MCPH1: variants seen among roughly 807,000 people sequenced by gnomAD.
MCPH1 encodes the protein microcephalin.
Under a neutral mutation model 84.5 loss-of-function variants are expected in MCPH1, and 104 were observed. That is an observed-to-expected ratio of 1.23 (90% CI 1.05 to 1.45). MCPH1 has a LOEUF of 1.45. MCPH1 is among the 40% of genes most tolerant of loss of function. MCPH1 has a pLI of 0.00. For synonymous variants in MCPH1, 514 were observed against 366.8 expected (o/e 1.40, Z -4.58); for missense variants, 1,498 against 1,005.7 (o/e 1.49, Z -6.62).
At chr8:6,642,325 G>C (rs1272553903) in intron 13 of MCPH1, among the ~76,000 whole-genome samples, 4 of 152,134 alleles carry the variant, frequency 2.6e-5, no homozygotes, top group African/African-American at 9.7e-5. Flanking sequence ...GAAAGAGGGA[G>C]GGGTTGTTTC....
chr8:6,584,556 C>T (rs1827823975), intron 12 of MCPH1, among the ~76,000 whole-genome samples: 1 of 152,146 alleles, frequency 6.6e-6, no homozygotes, highest in African/African-American at 2.4e-5. Context: ...CAATTCATTC[C>T]AGACCTAACT....
intron 12 of MCPH1, among the ~76,000 whole-genome samples, chr8:6,570,615 A>G (rs1712292280): frequency 6.6e-6 from 1 of 152,200 alleles, no homozygotes; most frequent in African/African-American, 2.4e-5. Flanking sequence ...ACACAGAACC[A>G]CAGAAACCCT....
intron 9 of MCPH1, among the ~76,000 whole-genome samples, chr8:6,457,505 T>C (rs1805825688): frequency 6.6e-6 from 1 of 151,646 alleles, no homozygotes; most frequent in Non-Finnish European, 1.5e-5. Context: ...CTCAAGAGAC[T>C]GAGGTGGGAG....
chr8:6,527,899 A>T (rs367929830), intron 12 of MCPH1, among the ~76,000 whole-genome samples: 139 of 133,094 alleles, frequency 1.0e-3, no homozygotes, highest in Non-Finnish European at 1.3e-3. Flanking sequence ...CCACGTCTCT[A>T]TTTTTTTTTT....
intron 12 of MCPH1, among the ~76,000 whole-genome samples, chr8:6,608,038 C>T (rs1444569439): frequency 1.3e-5 from 2 of 152,160 alleles, no homozygotes; most frequent in Non-Finnish European, 2.9e-5. Context: ...TGAGGATTGG[C>T]AGGGGCTGAG....
intron 3 of MCPH1, among the ~76,000 whole-genome samples, chr8:6,422,107 C>G (rs1483380684): frequency 2.0e-5 from 3 of 152,184 alleles, no homozygotes; most frequent in African/African-American, 7.2e-5. Context: ...GTTCATTTGA[C>G]TGCTTTATCT....
intron 8 of MCPH1, among the ~76,000 whole-genome samples, chr8:6,450,381 T>C (rs554213750): frequency 4.5e-4 from 68 of 151,812 alleles, no homozygotes; most frequent in Non-Finnish European, 8.1e-4. Context: ...CAGACAACAT[T>C]CTATGGGCAA....
chr8:6,475,457 C>A (rs1808323639), intron 9 of MCPH1, among the ~76,000 whole-genome samples: 1 of 152,248 alleles, frequency 6.6e-6, no homozygotes, highest in South Asian at 2.1e-4. Context: ...TGCTCAGAGC[C>A]TGCCCTTGTG....
intron 12 of MCPH1, among the ~76,000 whole-genome samples, chr8:6,557,263 G>A (rs569700990): frequency 6.6e-6 from 1 of 152,254 alleles, no homozygotes; most frequent in Admixed American, 6.5e-5. Flanking sequence ...GGGTACTGGT[G>A]TTAGCATGCC....
Position 6,444,877 on chromosome 8 carries a change from G to A in MCPH1, c.1155G>A (p.Leu385=), listed in dbSNP as rs778416695. The A allele has an allele frequency of 6.2e-6, 10 of 1,614,196 alleles. No individual in the cohort carries two copies. Among genetic ancestry groups the A allele is most frequent in the East Asian group, 4.5e-5 (2 of 44,880 alleles). The change falls in exon 8 of 14, where the codon CTG becomes CTA. Residue 385 remains leucine, a synonymous_variant. Transcript: ENST00000344683. ...CCAGGAGATCTATCATGCCGAGGCT[G>A]CAGCTGTGCAGGTCGGAAGACAGGC... ...RSTRRSIMPR[L]QLCRSEDRLQ...
chr8:6,416,823 ATC>A (rs34685766), intron 3 of MCPH1, among the ~76,000 whole-genome samples: 100,201 of 151,758 alleles, frequency 0.66, 36,401 homozygotes, highest in Non-Finnish European at 0.79. Flanking sequence ...GTAAAACCCT[ATC>A]TCTATTAAAA....
At chr8:6,454,591 C>T (rs980339565) in intron 8 of MCPH1, among the ~76,000 whole-genome samples, 2 of 152,220 alleles carry the variant, frequency 1.3e-5, no homozygotes, top group African/African-American at 2.4e-5. Context: ...AAGGAAACCA[C>T]ATTTCACTTG....
chr8:6,421,885 C>G (rs748512729), intron 3 of MCPH1, among the ~76,000 whole-genome samples: 118 of 152,342 alleles, frequency 7.7e-4, no homozygotes, highest in Non-Finnish European at 1.5e-3. Context: ...AGGCTACACT[C>G]TTTCTGCCTT....
intron 12 of MCPH1, among the ~76,000 whole-genome samples, chr8:6,554,223 A>G (rs146795226): frequency 2.6e-5 from 4 of 151,524 alleles, no homozygotes; most frequent in Admixed American, 2.6e-4. Flanking sequence ...ACATGGGAGT[A>G]AGTGTGACAA....
At chr8:6,481,464 T>C (rs1430690507) in intron 11 of MCPH1, among the ~76,000 whole-genome samples, 1 of 152,252 alleles carries the variant, frequency 6.6e-6, no homozygotes, top group Non-Finnish European at 1.5e-5. Context: ...ATTATTACTT[T>C]CATCCTCAAC....
At chr8:6,558,778 A>G (rs1191317748) in intron 12 of MCPH1, among the ~76,000 whole-genome samples, 1 of 152,194 alleles carries the variant, frequency 6.6e-6, no homozygotes, top group East Asian at 1.9e-4. Context: ...AACCCCATTT[A>G]GTAAACAAAG....
At chr8:6,626,694 G>A (rs1037567290) in intron 13 of MCPH1, 20 of 985,036 alleles carry the variant, frequency 2.0e-5, no homozygotes, top group East Asian at 1.1e-4. Context: ...TATAAGTCAC[G>A]AAACGAAGAC....
intron 5 of MCPH1, among the ~76,000 whole-genome samples, chr8:6,437,244 T>C (rs1326325163): frequency 6.6e-6 from 1 of 152,074 alleles, no homozygotes; most frequent in African/African-American, 2.4e-5. Context: ...TTTTATTTAT[T>C]TTTTTGAGAT....
intron 12 of MCPH1, among the ~76,000 whole-genome samples, chr8:6,515,535 T>A (rs2959791): frequency 6.6e-6 from 1 of 152,016 alleles, no homozygotes; most frequent in African/African-American, 2.4e-5. Context: ...TTAAACTTTG[T>A]CCAGAACACA....
Sources: allele counts gnomAD v4.1 joint callset (sites outside exome capture counted in the v4.1 genomes callset), GRCh38; gene constraint gnomAD v4.1.1; transcripts MANE v1.5; gene names NCBI Gene and HGNC (gene_info 2026-07-23, HGNC 2026-07-21).